Variants in WWP2 observed in about 807,000 individuals in gnomAD.
WWP2 encodes the protein NEDD4-like E3 ubiquitin-protein ligase WWP2.
WWP2 carries 57 observed loss-of-function variants against 121.0 expected under a neutral mutation model. The ratio of observed to expected loss-of-function variants is 0.47; its 90% CI spans 0.38 to 0.59. WWP2 has a LOEUF of 0.59. WWP2 is among the 20% of genes least tolerant of loss of function. The probability of loss-of-function intolerance (pLI) is 0.00; values close to 1 mark genes in which losing one functional copy is unlikely to be tolerated. For synonymous variants in WWP2, 449 were observed against 441.3 expected, an observed-to-expected ratio of 1.02 and a Z score of -0.22; for missense variants, 962 against 1,158.9, an observed-to-expected ratio of 0.83 and a Z score of 2.47.
At chr16:69,795,951 A>C (rs1159375672) in intron 2 of WWP2, among the ~76,000 whole-genome samples, 2 of 151,864 alleles carry the variant, frequency 1.3e-5, no homozygotes, top group Non-Finnish European at 2.9e-5. Flanking sequence ...CCCTGCTTCA[A>C]AATAAGAGTA....
intron 6 of WWP2, among the ~76,000 whole-genome samples, chr16:69,867,696 C>A (rs530473069): frequency 6.6e-6 from 1 of 152,278 alleles, no homozygotes; most frequent in Non-Finnish European, 1.5e-5. Context: ...GAGGACACAC[C>A]GCATCCTGAG....
At chr16:69,793,392 T>C (rs1279640263) in intron 2 of WWP2, among the ~76,000 whole-genome samples, 1 of 152,064 alleles carries the variant, frequency 6.6e-6, no homozygotes, top group African/African-American at 2.4e-5. Flanking sequence ...ACTGGGACTG[T>C]AGCATTGCAT....
chr16:69,784,091 C>CTTTTTTT (rs61650147), intron 1 of WWP2, among the ~76,000 whole-genome samples: 73 of 60,798 alleles, frequency 1.2e-3, no homozygotes, highest in African/African-American at 1.8e-3. Flanking sequence ...TTCTTTCTTT[C>CTTTTTTT]TTTTTTTTTT....
In WWP2 at chr16:69,925,579, C is replaced by G; in HGVS notation, c.1234+95C>G. On this transcript the variant is annotated intron_variant, in intron 11 of 23. Coordinates refer to ENST00000359154, the MANE Select transcript of WWP2 (RefSeq NM_001270454.2). This position sits in a 1 kb window ranked among gnomAD's most constrained non-coding sequence, Gnocchi z 4.0. ...GTGTCTTCCTTCCCTGTTCCTGTCC[C>G]TCTGTTTTCCATCTCTCCCCTCTCC... 2.7e-6 allele frequency: 4 copies of G among 1,476,526 alleles called. No individual in the cohort carries two copies. Among genetic ancestry groups the G allele is most frequent in the Non-Finnish European group, 3.7e-6 (4 of 1,087,276 alleles). 91.5% of individuals were successfully genotyped at this position (1,476,526 alleles called of 1,614,324 possible).
chr16:69,811,397 G>A (rs1321569953), intron 4 of WWP2, among the ~76,000 whole-genome samples: 2 of 151,958 alleles, frequency 1.3e-5, no homozygotes, highest in Non-Finnish European at 2.9e-5. Context: ...GCTTGAGCGT[G>A]GGAGTTCAAG....
At chr16:69,877,301 G>A (rs2057751179) in intron 7 of WWP2, among the ~76,000 whole-genome samples, 1 of 152,166 alleles carries the variant, frequency 6.6e-6, no homozygotes, top group Admixed American at 6.5e-5. Flanking sequence ...TAAACCTCAT[G>A]AACCAATCTT....
chr16:69,913,102 G>A (rs2058425429), intron 9 of WWP2, among the ~76,000 whole-genome samples: 3 of 138,802 alleles, frequency 2.2e-5, no homozygotes, highest in South Asian at 2.3e-4. Context: ...TCGGCTCACT[G>A]CAACCTCCAC....
intron 1 of WWP2, among the ~76,000 whole-genome samples, chr16:69,783,617 A>G (rs1339532954): frequency 6.6e-6 from 1 of 152,084 alleles, no homozygotes; most frequent in Non-Finnish European, 1.5e-5. Context: ...TCACATACAA[A>G]TAGAATGACA....
At chr16:69,912,369 TCACA>T (rs3051446) in intron 9 of WWP2, among the ~76,000 whole-genome samples, 16,450 of 140,076 alleles carry the variant, frequency 0.12, 1,086 homozygotes, top group East Asian at 0.3. Context: ...GGAGTTAGAT[TCACA>T]CACACACACA....
At position 69,937,167 on chromosome 16, in the gene WWP2, G is replaced by T. The variant is rs770375571; in HGVS notation, c.2167G>T (p.Ala723Ser). 6.2e-7 allele frequency: 1 copy of T among 1,613,960 alleles called. No individual in the cohort carries two copies. The highest frequency in any genetic ancestry group is 1.3e-5 in the African/African-American group (1 of 74,906). Reference sequence around the variant, plus strand: ...CCGAGGCGTGGAAGAGCAGACCAAAGCCTTCCTGGATGGCTTCAACGAGGT... The same window carrying T: ...CCGAGGCGTGGAAGAGCAGACCAAATCCTTCCTGGATGGCTTCAACGAGGT... ...FTRGVEEQTK[A>S]FLDGFNEVAP... is the part of the protein sequence containing the mutation. Residue 723 changes from alanine (A) to serine (S), a missense_variant, in exon 20 of 24, where the codon GCC (alanine) becomes TCC (serine). Ala to Ser is a moderately conservative substitution (Grantham distance 99). Around this residue, in one of 3 missense-constraint regions of WWP2, gnomAD observed 606 missense variants for 772.6 expected, o/e 0.78. Coordinates refer to ENST00000359154, the MANE Select transcript of WWP2 (RefSeq NM_001270454.2). This position sits in a 1 kb window ranked among gnomAD's most constrained non-coding sequence, Gnocchi z 6.6.
At chr16:69,931,364 T>C in intron 14 of WWP2, 137 bp downstream of exon 14, 2 of 1,460,588 alleles carry the variant, frequency 1.4e-6, no homozygotes, top group Non-Finnish European at 1.9e-6. Flanking sequence ...CGGAGCTGGC[T>C]GTCTCTAGGA....
intron 21 of WWP2, among the ~76,000 whole-genome samples, chr16:69,938,514 G>A (rs2058833331): frequency 6.6e-6 from 1 of 152,188 alleles, no homozygotes; most frequent in African/African-American, 2.4e-5. Flanking sequence ...AGCTACTCGG[G>A]AAGCTGATGC....
chr16:69,794,928 G>A (rs1462263699), intron 2 of WWP2, among the ~76,000 whole-genome samples: 1 of 152,118 alleles, frequency 6.6e-6, no homozygotes, highest in African/African-American at 2.4e-5. Flanking sequence ...TTAAAAATAT[G>A]TCTGGGGACT....
chr16:69,791,320 C>A (rs1159597025), intron 2 of WWP2, among the ~76,000 whole-genome samples: 2 of 151,838 alleles, frequency 1.3e-5, no homozygotes, highest in Admixed American at 6.6e-5. Flanking sequence ...CTCTGCCTCC[C>A]AAGTTCAAGC....
intron 6 of WWP2, among the ~76,000 whole-genome samples, chr16:69,850,077 T>C (rs1373275714): frequency 6.6e-6 from 1 of 152,054 alleles, no homozygotes; most frequent in Admixed American, 6.6e-5. Flanking sequence ...GGCTCTGAGC[T>C]GTCGTGGTGA....
At chr16:69,907,492 TA>T (rs1297565326) in intron 8 of WWP2, among the ~76,000 whole-genome samples, 1 of 152,168 alleles carries the variant, frequency 6.6e-6, no homozygotes, top group Non-Finnish European at 1.5e-5. Context: ...TAGAAGTAAA[TA>T]AATTCAGTGT....
At chr16:69,845,054 G>A (rs1247378338) in intron 6 of WWP2, among the ~76,000 whole-genome samples, 2 of 152,180 alleles carry the variant, frequency 1.3e-5, no homozygotes, top group Non-Finnish European at 2.9e-5. Context: ...TTGGAATCAG[G>A]AGATGCAGAT....
intron 10 of WWP2, chr16:69,924,890 G>A (rs1453709107): frequency 7.1e-6 from 7 of 982,742 alleles, no homozygotes; most frequent in East Asian, 1.1e-4. Flanking sequence ...TGGGGGGGAC[G>A]CCGAGGTGGA....
At chr16:69,814,517 A>C (rs1484675461) in intron 4 of WWP2, among the ~76,000 whole-genome samples, 1 of 152,156 alleles carries the variant, frequency 6.6e-6, no homozygotes, top group Non-Finnish European at 1.5e-5. Flanking sequence ...TCCTGTACCC[A>C]CACCACCATG....
Sources: gnomAD v4.1 joint callset for allele counts (sites outside exome capture counted in the v4.1 genomes callset) on GRCh38, gnomAD v4.1.1 for gene constraint, gnomAD v4.1.1 regional missense constraint, Gnocchi (gnomAD v3.1) non-coding constraint, MANE v1.5 for transcripts, NCBI Gene and HGNC (gene_info 2026-07-23, HGNC 2026-07-21) for gene names.